THSD4: variants seen among roughly 807,000 people sequenced by gnomAD.
THSD4 encodes the protein thrombospondin type 1 domain containing 4, also known as thrombospondin type-1 domain-containing protein 4.
In THSD4, 69 loss-of-function variants were observed where a neutral mutation model predicts 119.0. The ratio of observed to expected loss-of-function variants is 0.58; its 90% CI spans 0.48 to 0.71. THSD4 has a LOEUF of 0.71. THSD4 is among the 30% of genes least tolerant of loss of function. THSD4 has a pLI of 0.00. For missense variants in THSD4, 1,393 were observed against 1,391.1 expected (o/e 1.00, Z -0.02); for synonymous variants, 524 against 540.4 (o/e 0.97, Z 0.42).
chr15:71,159,930 A>G (rs1434722338), intron 3 of THSD4, among the ~76,000 whole-genome samples: 4 of 152,114 alleles, frequency 2.6e-5, no homozygotes, highest in Non-Finnish European at 2.9e-5. Context: ...TGTATACATT[A>G]TCCAGTATAA....
intron 7 of THSD4, among the ~76,000 whole-genome samples, chr15:71,490,654 A>T (rs1048241612): frequency 7.3e-5 from 11 of 151,480 alleles, no homozygotes; most frequent in African/African-American, 2.7e-4. Context: ...GCTTGAACCC[A>T]GGAGGCGGAT....
upstream of THSD4, among the ~76,000 whole-genome samples, chr15:71,112,912 C>T (rs780841858): frequency 1.3e-5 from 2 of 152,216 alleles, no homozygotes; most frequent in Non-Finnish European, 2.9e-5. Context: ...GTCTCTGTGG[C>T]TCACGCCTGT....
chr15:71,671,100 A>G (rs2051518646), intron 8 of THSD4, among the ~76,000 whole-genome samples: 1 of 152,338 alleles, frequency 6.6e-6, no homozygotes, highest in African/African-American at 2.4e-5. Flanking sequence ...CAGTCCCACC[A>G]ACAGTGTAAA....
chr15:71,286,464 C>G (rs1346543315), intron 6 of THSD4, among the ~76,000 whole-genome samples: 3 of 152,196 alleles, frequency 2.0e-5, no homozygotes, highest in Non-Finnish European at 4.4e-5. Context: ...CAGCTCCATC[C>G]ATGTCCCTGC....
chr15:71,194,916 G>A (rs752686999), intron 3 of THSD4, among the ~76,000 whole-genome samples: 10 of 152,036 alleles, frequency 6.6e-5, no homozygotes, highest in Admixed American at 2.6e-4. Context: ...TGGGAAAGTC[G>A]GCGGCCACCA....
At position 71,561,763 on chromosome 15, in the gene THSD4, A is replaced by C. The variant is rs574481773; in HGVS notation, c.1153-98767A>C. On this transcript the variant is annotated intron_variant, in intron 7 of 17. Transcript: ENST00000261862. ...GAAAGAGCAAAAACCAGGATTTCCA[A>C]AGCTACAAGTGTCCATACCCTCCCA... Among the ~76,000 whole-genome samples, 221 of 152,220 alleles carry C rather than the reference A, an allele frequency of 1.5e-3. 1 individual carries two copies. The highest frequency in any genetic ancestry group is 1.9e-3 in the Non-Finnish European group (127 of 68,014).
intron 8 of THSD4, among the ~76,000 whole-genome samples, chr15:71,666,592 T>C (rs946407897): frequency 1.4e-4 from 21 of 152,352 alleles, no homozygotes; most frequent in Non-Finnish European, 2.5e-4. Flanking sequence ...TTATTAATAC[T>C]TTGCTTATTC....
At chr15:71,333,627 G>A (rs1328206998) in intron 6 of THSD4, among the ~76,000 whole-genome samples, 2 of 152,148 alleles carry the variant, frequency 1.3e-5, no homozygotes, top group Non-Finnish European at 2.9e-5. Context: ...ATCAGCATGG[G>A]CATTTTTTAT....
intron 7 of THSD4, among the ~76,000 whole-genome samples, chr15:71,514,000 C>T (rs2048319446): frequency 6.6e-6 from 1 of 152,104 alleles, no homozygotes; most frequent in African/African-American, 2.4e-5. Flanking sequence ...AAAGTAGTTG[C>T]CTCCATTTAG....
At chr15:71,647,236 C>A (rs1444202010) in intron 7 of THSD4, among the ~76,000 whole-genome samples, 2 of 152,166 alleles carry the variant, frequency 1.3e-5, no homozygotes, top group Non-Finnish European at 2.9e-5. Context: ...TCTTGGAAGC[C>A]ATGTGTGGGC....
At chr15:71,645,090 TA>T (rs1194272903) in intron 7 of THSD4, among the ~76,000 whole-genome samples, 2 of 152,084 alleles carry the variant, frequency 1.3e-5, no homozygotes, top group Admixed American at 1.3e-4. Context: ...ATATACAGAA[TA>T]CAGTCTCAAA....
chr15:71,174,676 C>T (rs1270624562), intron 3 of THSD4, among the ~76,000 whole-genome samples: 3 of 135,502 alleles, frequency 2.2e-5, no homozygotes, highest in African/African-American at 7.9e-5. Context: ...GGCTCCACCT[C>T]TGGGGGCAGG....
At chr15:71,312,108 T>A (rs570377689) in intron 6 of THSD4, among the ~76,000 whole-genome samples, 32 of 152,330 alleles carry the variant, frequency 2.1e-4, no homozygotes, top group African/African-American at 7.5e-4. Context: ...GACTGTATAG[T>A]GCTCCCCTCA....
chr15:71,508,649 A>G (rs77416285), intron 7 of THSD4, among the ~76,000 whole-genome samples: 2,246 of 152,334 alleles, frequency 0.015, 41 homozygotes, highest in African/African-American at 0.043. Flanking sequence ...GAGCTAAAGC[A>G]TTTCAGTTTT....
chr15:71,168,247 A>G (rs1164489281), intron 3 of THSD4, among the ~76,000 whole-genome samples: 3 of 152,364 alleles, frequency 2.0e-5, no homozygotes, highest in Admixed American at 6.5e-5. Context: ...TGTCGATTGT[A>G]GAATGCTTTA....
intron 8 of THSD4, among the ~76,000 whole-genome samples, chr15:71,694,231 A>G (rs1315523057): frequency 6.6e-6 from 1 of 152,132 alleles, no homozygotes; most frequent in East Asian, 1.9e-4. Flanking sequence ...TTGTAATGTC[A>G]TGGTTGGTTC....
chr15:71,199,496 T>TGTGTGTGCTGTGTGTGATGCATGTGTGG (rs1440084433), intron 3 of THSD4, among the ~76,000 whole-genome samples: 12 of 79,718 alleles, frequency 1.5e-4, no homozygotes, highest in Admixed American at 3.3e-4. Context: ...GGGGTGTGTG[T>TGTGTGTGCTGTGTGTGATGCATGTGTGG]GGTGTGTGTG....
chr15:71,610,065 A>G (rs2050195284), intron 7 of THSD4, among the ~76,000 whole-genome samples: 1 of 152,178 alleles, frequency 6.6e-6, no homozygotes, highest in African/African-American at 2.4e-5. Flanking sequence ...AGAGAGATTT[A>G]AATAAACTGT....
Position 71,737,759 on chromosome 15 carries a change from C to T in THSD4, c.1658C>T (p.Thr553Ile). Residue 553 changes from threonine to isoleucine, a missense_variant, in exon 11 of 18, where the codon ACA becomes ATA. Coordinates refer to ENST00000261862, the MANE Select transcript of THSD4 (RefSeq NM_024817.3). ...PGEPFNGQMVTEGRSQEEGEQ... is the reference protein window; with the variant it reads ...PGEPFNGQMVIEGRSQEEGEQ... ...GAACCCTTCAATGGCCAGATGGTGA[C>T]AGAAGGCAGGAGCCAGGAGGAGGGA... is the stretch of plus-strand genomic sequence containing the variant. 6 of 1,612,366 alleles carry T rather than the reference C, an allele frequency of 3.7e-6. No individual in the cohort carries two copies. The highest frequency in any genetic ancestry group is 5.1e-6 in the Non-Finnish European group (6 of 1,179,130).
Sources: allele counts gnomAD v4.1 joint callset (sites outside exome capture counted in the v4.1 genomes callset), GRCh38; gene constraint gnomAD v4.1.1; transcripts MANE v1.5; gene names NCBI Gene and HGNC (gene_info 2026-07-23, HGNC 2026-07-21).